Variants in STK24 observed in about 807,000 individuals in gnomAD.
STK24 encodes the protein serine/threonine kinase 24, also known as serine/threonine-protein kinase 24.
In STK24, 21 loss-of-function variants were observed where a neutral mutation model predicts 55.6. The observed-to-expected ratio is 0.38, with a 90% CI of 0.27 to 0.54. STK24 has a LOEUF of 0.54. STK24 is among the 20% of genes least tolerant of loss of function. The probability of loss-of-function intolerance (pLI) is 0.79; values close to 1 mark genes in which losing one functional copy is unlikely to be tolerated. For synonymous variants in STK24, 200 were observed against 215.2 expected (o/e 0.93, Z 0.62); for missense variants, 383 against 538.4 (o/e 0.71, Z 2.86).
Position 98,460,558 on chromosome 13 carries a change from G to T in STK24, c.1054-118C>A, listed in dbSNP as rs1341554999. 2.2e-5 allele frequency: 17 copies of T among 763,084 alleles called. No individual in the cohort carries two copies. In the Middle Eastern group the frequency reaches 1.6e-3, roughly 73 times the overall value. 47.3% of individuals were successfully genotyped at this position (763,084 alleles called of 1,614,324 possible). A position where few individuals can be genotyped will look rare whatever the true frequency, so the allele number is the denominator to read the frequency against. On this transcript the variant is annotated intron_variant, in intron 8 of 10. Transcript: ENST00000539966. The stretch of plus-strand genomic sequence containing the variant: ...AGGAGTTGCCTCTACACTTCACGCT[G>T]AGGAAACACCCTCTGCGCACCATAA...
chr13:98,576,145 C>T (rs1398246595), intron 1 of STK24: 6 of 985,262 alleles, frequency 6.1e-6, no homozygotes, highest in Non-Finnish European at 7.2e-6. Context: ...GCACTTTCCC[C>T]CGGTCCGCAG....
At chr13:98,501,470 T>G (rs1030609219) in intron 2 of STK24, among the ~76,000 whole-genome samples, 1 of 152,202 alleles carries the variant, frequency 6.6e-6, no homozygotes, top group African/African-American at 2.4e-5. Context: ...AGAACATGAA[T>G]TTTTCAAGTG....
chr13:98,548,856 T>G (rs899332200), intron 1 of STK24, among the ~76,000 whole-genome samples: 2 of 115,118 alleles, frequency 1.7e-5, no homozygotes, highest in African/African-American at 8.2e-5. Context: ...AGTGAGACTC[T>G]GTCTCAAAAA....
intron 10 of STK24, chr13:98,455,632 A>T (rs1179082141): frequency 2.0e-5 from 3 of 152,322 alleles, no homozygotes; most frequent in African/African-American, 7.2e-5. Context: ...AAAGAAGAGG[A>T]ACAGAGAGAT....
rs767004502 is a variant in STK24 at position 98,451,490 on chromosome 13, T to G, written c.*1683A>C. 5 of 152,162 alleles carry G rather than the reference T, an allele frequency of 3.3e-5. No individual in the cohort carries two copies. Among genetic ancestry groups the G allele is most frequent in the African/African-American group, 4.8e-5 (2 of 41,428 alleles). The allele number at this position is 152,162 out of a possible 1,614,324, so 9.4% of individuals were successfully genotyped here. ...GAGTTCAACCCAAATCCACTTCTAA[T>G]AAAATACCTCAATTTTAGAGCTTAA... On this transcript the variant is annotated 3_prime_UTR_variant, in exon 11 of 11. Transcript: ENST00000539966.
chr13:98,516,089 C>T (rs1428786016), intron 2 of STK24, among the ~76,000 whole-genome samples: 1 of 152,208 alleles, frequency 6.6e-6, no homozygotes, highest in Admixed American at 6.5e-5. Flanking sequence ...GGAGGGTCCC[C>T]TTCTGGGCCA....
chr13:98,501,084 T>C (rs544923046), intron 2 of STK24, among the ~76,000 whole-genome samples: 1 of 152,286 alleles, frequency 6.6e-6, no homozygotes, highest in South Asian at 2.1e-4. Context: ...TCCAACAATA[T>C]TTATATCACA....
In STK24 at chr13:98,446,919, C is replaced by A; in HGVS notation, c.*6254G>T. The A allele has an allele frequency of 7.9e-7, 1 of 1,267,378 alleles. No individual in the cohort carries two copies. The highest frequency in any genetic ancestry group is 1.1e-6 in the Non-Finnish European group (1 of 891,038). The allele number at this position is 1,267,378 out of a possible 1,614,324, so 78.5% of individuals were successfully genotyped here. ...CAGCGAGTGAGATGGCCCCACCCTT[C>A]CCTGCCAACTAAGCGTTTAGACCTG... On this transcript the variant is annotated 3_prime_UTR_variant, in exon 11 of 11. Transcript: ENST00000539966.
At chr13:98,555,444 T>C (rs1317674339) in intron 1 of STK24, among the ~76,000 whole-genome samples, 1 of 151,764 alleles carries the variant, frequency 6.6e-6, no homozygotes, top group Non-Finnish European at 1.5e-5. Flanking sequence ...CCAGGCATGG[T>C]GGCGGGCGCC....
intron 2 of STK24, among the ~76,000 whole-genome samples, chr13:98,486,533 A>G (rs1224061767): frequency 6.6e-6 from 1 of 152,172 alleles, no homozygotes. Flanking sequence ...CCACCCCAGC[A>G]CTGACTTTTG....
At chr13:98,512,417 T>C (rs914645955) in intron 2 of STK24, among the ~76,000 whole-genome samples, 30 of 152,010 alleles carry the variant, frequency 2.0e-4, no homozygotes, top group African/African-American at 6.5e-4. Flanking sequence ...TGAGCAGCAA[T>C]TGACTTAGAG....
chr13:98,448,017 G>A lies in STK24; in HGVS notation c.*5156C>T. ...GAGCGGGCAGTGTCACTGCAGCAAG[G>A]TACTTCCAGCTCCACACTGAGTGAG... On this transcript the variant is annotated 3_prime_UTR_variant, in exon 11 of 11. Coordinates refer to ENST00000539966, the MANE Select transcript of STK24 (RefSeq NM_001032296.4). 1.7e-6 allele frequency: 1 copy of A among 582,122 alleles called. No homozygotes were observed. The allele number at this position is 582,122 out of a possible 1,614,324, so 36.1% of individuals were successfully genotyped here.
chr13:98,504,466 G>GA (rs762056158), intron 2 of STK24, among the ~76,000 whole-genome samples: 2 of 152,334 alleles, frequency 1.3e-5, no homozygotes, highest in South Asian at 4.1e-4. Flanking sequence ...ACACTAGCAC[G>GA]AGACTCAGGT....
rs1410179421 is a variant in STK24, at chr13:98,535,314, GCAA to G, written c.43-15844_43-15842del. Among the ~76,000 whole-genome samples the G allele has an allele frequency of 2.0e-5, 3 of 149,642 alleles. No homozygotes were observed. The Admixed American group carries it at 2.0e-4, about 10-fold the overall frequency. ...ATCACGCCATTGCACTCCAGCCTGG[GCAA>G]CAAGAGCGAAACTCTGTCTCAAACA... On this transcript the variant is annotated intron_variant, in intron 1 of 10. Coordinates refer to ENST00000539966, the MANE Select transcript of STK24 (RefSeq NM_001032296.4).
intron 2 of STK24, among the ~76,000 whole-genome samples, chr13:98,493,071 T>C (rs1034615936): frequency 3.9e-5 from 6 of 152,320 alleles, no homozygotes; most frequent in South Asian, 2.1e-4. Flanking sequence ...ATGAAAACAA[T>C]TGCCTGTAAT....
At chr13:98,529,207 G>C (rs1192114368) in intron 1 of STK24, among the ~76,000 whole-genome samples, 1 of 152,038 alleles carries the variant, frequency 6.6e-6, no homozygotes, top group African/African-American at 2.4e-5. Context: ...ATCGTTAACA[G>C]TGTTGCTACC....
intron 2 of STK24, among the ~76,000 whole-genome samples, chr13:98,490,829 T>C (rs951670477): frequency 2.1e-5 from 3 of 141,980 alleles, no homozygotes; most frequent in Non-Finnish European, 4.5e-5. Context: ...GCAGCCTACA[T>C]TAAAAAAAAA....
chr13:98,560,267 G>A (rs1897385198), intron 1 of STK24, among the ~76,000 whole-genome samples: 1 of 152,164 alleles, frequency 6.6e-6, no homozygotes, highest in African/African-American at 2.4e-5. Flanking sequence ...GCTCAATATT[G>A]CCCCTGACCC....
chr13:98,463,732 G>A lies in STK24; in HGVS notation c.888C>T (p.Ala296=), dbSNP rs769204166. 130 of 1,614,016 alleles carry A rather than the reference G, an allele frequency of 8.1e-5. No individual in the cohort carries two copies. The Admixed American group carries it at 8.7e-4, about 11-fold the overall frequency. The change falls in exon 7 of 11, where the codon GCC becomes GCT. Residue 296 remains alanine, a synonymous_variant. Coordinates refer to ENST00000539966, the MANE Select transcript of STK24 (RefSeq NM_001032296.4). ...ELIDRYKRWK[A]EQSHDDSSSE... ...AGCTCGAGTCGTCATGGCTCTGCTC[G>A]GCCTTCCATCTCTTGTACCTGTCGA...
Sources: allele counts gnomAD v4.1 joint callset (sites outside exome capture counted in the v4.1 genomes callset), GRCh38; gene constraint gnomAD v4.1.1; transcripts MANE v1.5; gene names NCBI Gene and HGNC (gene_info 2026-07-23, HGNC 2026-07-21).